The following ASPH variants were observed in gnomAD, a reference collection of about 807,000 sequenced individuals.
The protein encoded by ASPH is aspartate beta-hydroxylase, also known as aspartyl/asparaginyl beta-hydroxylase.
ASPH carries 100 observed loss-of-function variants against 118.4 expected under a neutral mutation model. That is an observed-to-expected ratio of 0.84 (90% CI 0.72 to 1.00). The LOEUF (loss-of-function observed/expected upper bound fraction) is 1.00, where lower values mean the gene tolerates loss of function less well. Ranked by LOEUF, ASPH falls within the 50% of genes least tolerant of loss-of-function variation. ASPH has a pLI of 0.00. For synonymous variants in ASPH, 315 were observed against 325.6 expected (o/e 0.97, Z 0.35); for missense variants, 920 against 919.5 (o/e 1.00, Z -0.01).
chr8:61,667,949 C>T (rs571361747), intron 3 of ASPH, among the ~76,000 whole-genome samples: 18 of 151,966 alleles, frequency 1.2e-4, no homozygotes, highest in Non-Finnish European at 2.2e-4. Flanking sequence ...ATATATACAT[C>T]ATAACAAATA....
Position 61,642,935 on chromosome 8 carries a change from A to G in ASPH, c.758-15T>C, listed in dbSNP as rs1382943860. 3.2e-6 allele frequency: 5 copies of G among 1,557,012 alleles called. No individual in the cohort carries two copies. Among genetic ancestry groups the G allele is most frequent in the Non-Finnish European group, 2.6e-6 (3 of 1,157,426 alleles). On this transcript the variant is annotated splice_polypyrimidine_tract_variant and intron_variant, in intron 9 of 24. Coordinates refer to ENST00000379454, the MANE Select transcript of ASPH (RefSeq NM_004318.4). Reference sequence around the variant, plus strand: ...TGTTACATCATCTGAAAAAAAAAAGAGAATAAAAGCAAAATAAGTATTAAC... The same window carrying G: ...TGTTACATCATCTGAAAAAAAAAAGGGAATAAAAGCAAAATAAGTATTAAC...
At chr8:61,531,135 T>G (rs1817422710) in intron 21 of ASPH, among the ~76,000 whole-genome samples, 1 of 152,246 alleles carries the variant, frequency 6.6e-6, no homozygotes, top group Non-Finnish European at 1.5e-5. Flanking sequence ...TGTAATGCAC[T>G]TCATACTATT....
chr8:61,569,538 A>C (rs974061968), intron 16 of ASPH, among the ~76,000 whole-genome samples: 3 of 152,116 alleles, frequency 2.0e-5, no homozygotes, highest in Admixed American at 6.6e-5. Flanking sequence ...AAACAAACCT[A>C]AGAATCAGCA....
intron 14 of ASPH, among the ~76,000 whole-genome samples, chr8:61,591,652 C>A (rs150377854): frequency 2.6e-5 from 4 of 152,288 alleles, no homozygotes; most frequent in African/African-American, 9.6e-5. Flanking sequence ...TTAGCCAATT[C>A]TGTGCTGATA....
chr8:61,631,913 G>C (rs1034679832), intron 13 of ASPH: 6 of 154,840 alleles, frequency 3.9e-5, no homozygotes, highest in African/African-American at 1.4e-4. Context: ...ATGGAGTGGA[G>C]AGGGATGAAG....
chr8:61,710,325 G>A (rs1033488928), intron 1 of ASPH, among the ~76,000 whole-genome samples: 2 of 152,176 alleles, frequency 1.3e-5, no homozygotes, highest in African/African-American at 4.8e-5. Flanking sequence ...TGGAACCAGA[G>A]AGCTCAGGGG....
Position 61,518,177 on chromosome 8 carries a change from T to A in ASPH, c.1901-54A>T, listed in dbSNP as rs1811582535. On this transcript the variant is annotated intron_variant, in intron 22 of 24. Transcript: ENST00000379454. ...CAAATCACAGTAAAGCTTAAACTTA[T>A]CCCATTTAGATGAGGTGAGAGCTAT... is the stretch of plus-strand genomic sequence containing the variant. 6 of 1,520,246 alleles carry A rather than the reference T, an allele frequency of 3.9e-6. No homozygotes were observed. In the Admixed American group the frequency reaches 1.0e-4, roughly 26 times the overall value. 94.2% of individuals were successfully genotyped at this position (1,520,246 alleles called of 1,614,324 possible). A position where few individuals can be genotyped will look rare whatever the true frequency, so the allele number is the denominator to read the frequency against.
chr8:61,549,744 G>A (rs1332737782), intron 20 of ASPH, among the ~76,000 whole-genome samples: 2 of 151,992 alleles, frequency 1.3e-5, no homozygotes, highest in Non-Finnish European at 2.9e-5. Context: ...ATAATACTAA[G>A]GACAACAGAT....
chr8:61,527,564 G>A (rs1815868150), intron 21 of ASPH, among the ~76,000 whole-genome samples: 1 of 152,232 alleles, frequency 6.6e-6, no homozygotes, highest in Non-Finnish European at 1.5e-5. Context: ...ATTAATTTGT[G>A]TTAATATTGT....
chr8:61,651,594 T>TTTCTCA (rs1811008611), intron 4 of ASPH, among the ~76,000 whole-genome samples: 1 of 152,218 alleles, frequency 6.6e-6, no homozygotes, highest in Non-Finnish European at 1.5e-5. Flanking sequence ...GAAAGGGCAC[T>TTTCTCA]CCTGCAGGTG....
In ASPH at chr8:61,562,893, G is replaced by T; in HGVS notation, c.1301-13C>A. On this transcript the variant is annotated splice_polypyrimidine_tract_variant and intron_variant, in intron 17 of 24. Transcript: ENST00000379454. ...CCTCTCATATGACCTGAGTAGGTGG[G>T]AATTTAAAAAAAATAGAAATAAAAA... The T allele has an allele frequency of 6.4e-7, 1 of 1,554,556 alleles. No homozygotes were observed. Among genetic ancestry groups the T allele is most frequent in the Non-Finnish European group, 8.6e-7 (1 of 1,157,438 alleles).
chr8:61,508,885 A>G (rs544197426), intron 24 of ASPH, among the ~76,000 whole-genome samples: 1 of 152,358 alleles, frequency 6.6e-6, no homozygotes, highest in Non-Finnish European at 1.5e-5. Flanking sequence ...TACTGTGTCA[A>G]TAAGAATATT....
intron 1 of ASPH, among the ~76,000 whole-genome samples, chr8:61,698,627 T>G (rs936772146): frequency 4.6e-5 from 7 of 152,126 alleles, no homozygotes; most frequent in African/African-American, 1.7e-4. Flanking sequence ...AGGTTGGGGG[T>G]GGGGCTGAAA....
At chr8:61,626,696 TTAAAA>T (rs1365630245) in intron 13 of ASPH, among the ~76,000 whole-genome samples, 2 of 147,238 alleles carry the variant, frequency 1.4e-5, no homozygotes, top group Non-Finnish European at 3.0e-5. Flanking sequence ...GCTTTAAAAA[TTAAAA>T]TAAATTTTAA....
intron 13 of ASPH, among the ~76,000 whole-genome samples, chr8:61,631,131 C>T (rs1855393663): frequency 6.6e-6 from 1 of 151,894 alleles, no homozygotes; most frequent in Admixed American, 6.6e-5. Flanking sequence ...ATTTTTATTA[C>T]AAAATCATCA....
intron 1 of ASPH, among the ~76,000 whole-genome samples, chr8:61,706,427 AAAGAAGAAGAAG>A (rs1215822515): frequency 5.1e-4 from 44 of 86,162 alleles, no homozygotes; most frequent in African/African-American, 1.6e-3. Context: ...AAAAAAAAAA[AAAGAAGAAGAAG>A]AAGAAGAAGA....
chr8:61,620,735 C>A (rs912124566), intron 13 of ASPH, among the ~76,000 whole-genome samples: 2 of 152,182 alleles, frequency 1.3e-5, no homozygotes, highest in Non-Finnish European at 2.9e-5. Context: ...GCAGTACCTG[C>A]AGGAACACTG....
At chr8:61,656,642 C>T (rs950464565) in intron 3 of ASPH, 17 of 152,196 alleles carry the variant, frequency 1.1e-4, no homozygotes, top group African/African-American at 3.6e-4. Flanking sequence ...TTGGAAAACA[C>T]ATTAATTCCC....
intron 17 of ASPH, among the ~76,000 whole-genome samples, chr8:61,565,280 T>C (rs1724659077): frequency 6.6e-6 from 1 of 152,212 alleles, no homozygotes; most frequent in Non-Finnish European, 1.5e-5. Flanking sequence ...ATCTTACCAG[T>C]AAATTTTTTT....
Sources: allele counts gnomAD v4.1 joint callset (sites outside exome capture counted in the v4.1 genomes callset), GRCh38; gene constraint gnomAD v4.1.1; transcripts MANE v1.5; gene names NCBI Gene and HGNC (gene_info 2026-07-23, HGNC 2026-07-21).